Variants in ECI1 observed in about 807,000 individuals in gnomAD.
ECI1 encodes enoyl-CoA delta isomerase 1, also known as enoyl-CoA delta isomerase 1, mitochondrial.
A neutral mutation model predicts 34.2 loss-of-function variants in ECI1; 34 were observed. The ratio of observed to expected loss-of-function variants is 1.00; its 90% confidence interval spans 0.76 to 1.33. ECI1 has a LOEUF of 1.33. Among genes scored for constraint, ECI1 ranks in the 40% most tolerant of loss-of-function variants. The probability of loss-of-function intolerance (pLI) is 0.00; values close to 1 mark genes in which losing one functional copy is unlikely to be tolerated. For missense variants in ECI1, 456 were observed against 422.2 expected (o/e 1.08, Z -0.70); for synonymous variants, 211 against 193.0 (o/e 1.09, Z -0.77).
chr16:2,245,003 C>T (rs1206372498), intron 3 of ECI1, among the ~76,000 whole-genome samples: 1 of 152,152 alleles, frequency 6.6e-6, no homozygotes, highest in African/African-American at 2.4e-5. Flanking sequence ...GGAGAATGAT[C>T]TGGAATGTGT....
At chr16:2,246,018 G>A (rs1402424380) in intron 3 of ECI1, among the ~76,000 whole-genome samples, 5 of 152,160 alleles carry the variant, frequency 3.3e-5, no homozygotes, top group African/African-American at 9.7e-5. Context: ...GAGGTGGGCA[G>A]ATCACTTGAG....
In ECI1 at chr16:2,240,285, C is replaced by G; in HGVS notation, c.743-140G>C. The G allele has an allele frequency of 1.1e-5, 10 of 877,412 alleles. 1 individual carries two copies. The South Asian group carries it at 1.5e-4, about 13-fold the overall frequency. 54.4% of individuals were successfully genotyped at this position (877,412 alleles called of 1,614,324 possible). A position where few individuals can be genotyped will look rare whatever the true frequency, so the allele number is the denominator to read the frequency against. ...GGAGTGCAATGGTGGGATCTTGGCT[C>G]ACTGCAACCTCCGCCTCCCGAGTTC... is the stretch of plus-strand genomic sequence containing the variant. On this transcript the variant is annotated intron_variant, in intron 6 of 6. Transcript: ENST00000301729.
intron 4 of ECI1, 144 bp from the exon 5 acceptor site, chr16:2,243,583 C>G (rs1037640708): frequency 3.5e-5 from 35 of 1,014,488 alleles, no homozygotes; most frequent in Non-Finnish European, 4.8e-5. Context: ...CTGGGCTGGG[C>G]TGGGTGTGCA....
At chr16:2,251,458 A>G (rs2093553659) in intron 1 of ECI1, 29 bp from the exon 2 acceptor site, 1 of 1,515,400 alleles carries the variant, frequency 6.6e-7, no homozygotes, top group Non-Finnish European at 8.8e-7. Context: ...GGAGCCCGTT[A>G]GTTCCCGGTC....
rs112246533 is a variant in ECI1 at position 2,245,231 on chromosome 16, A to C, written c.295-679T>G. Among the ~76,000 whole-genome samples, 9 of 152,282 alleles carry C rather than the reference A, an allele frequency of 5.9e-5. 1 individual carries two copies. The highest frequency in any genetic ancestry group is 1.9e-4 in the African/African-American group (8 of 41,562). ...ATGACAAGGGTACCTTCCCCTCTGC[A>C]CAACACGGCACGTTTTCCTCCCGAG... On this transcript the variant is annotated intron_variant, in intron 3 of 6. Transcript: ENST00000301729.
In ECI1 at chr16:2,246,865, C is replaced by T. The variant is rs1350740950; in HGVS notation, c.288G>A (p.Leu96=). 1.2e-6 allele frequency: 2 copies of T among 1,612,732 alleles called. No homozygotes were observed. The highest frequency in any genetic ancestry group is 1.7e-6 in the Non-Finnish European group (2 of 1,180,002). The stretch of plus-strand genomic sequence containing the variant: ...GAGCTGAACTAGCACCTACCGAGGT[C>T]AGAATGACACCGCGGAAGCTCTTGT... ...ENDKSFRGVI[L]TSDRPGVFSA... The change falls in exon 3 of 7, where the codon CTG becomes CTA. Residue 96 remains leucine (L), a synonymous_variant. Transcript: ENST00000301729.
Position 2,246,850 on chromosome 16 carries a change from A to G in ECI1, c.294+9T>C, listed in dbSNP as rs3803695. 0.15 allele frequency: 241,275 copies of G among 1,611,942 alleles called. 19,156 individuals are homozygous for G. The highest frequency in any genetic ancestry group is 0.2 in the African/African-American group (14,870 of 74,956). On this transcript the variant is annotated intron_variant, in intron 3 of 6. Coordinates refer to ENST00000301729, the MANE Select transcript of ECI1 (RefSeq NM_001919.4). ...TCGGGCTGGGGTAGGGAGCTGAACT[A>G]GCACCTACCGAGGTCAGAATGACAC...
Position 2,243,441 on chromosome 16 carries a change from T to C in ECI1, c.442-2A>G. 6.8e-6 allele frequency: 11 copies of C among 1,612,482 alleles called. No individual in the cohort carries two copies. Among genetic ancestry groups the C allele is most frequent in the Non-Finnish European group, 9.3e-6 (11 of 1,179,954 alleles). On this transcript the variant is annotated splice_acceptor_variant, in intron 4 of 6. Coordinates refer to ENST00000301729, the MANE Select transcript of ECI1 (RefSeq NM_001919.4). LOFTEE classifies it high-confidence loss of function. ...GCAGCCTCCAGCGGGGCAGGCTCCC[T>C]GCAGGGAGAGGCCGGACAGGGCTCT...
rs910187118 is a variant in ECI1, at chr16:2,245,702, C to CA, written c.295-1151dup. 4.6e-5 allele frequency among the ~76,000 whole-genome samples: 7 copies of CA among 151,852 alleles called. No homozygotes were observed. In the East Asian group the frequency reaches 9.7e-4, roughly 21 times the overall value. On this transcript the variant is annotated intron_variant, in intron 3 of 6. Transcript: ENST00000301729. ...GCAACATAGCAAGACCCCGCCTGTA[C>CA]AAAAAAGTAAAAATTAAGCAAAAAA...
rs377274938 is a variant in ECI1 at position 2,244,483 on chromosome 16, C to T, written c.364G>A (p.Ala122Thr). Residue 122 changes from alanine (A) to threonine (T), a missense_variant, in exon 4 of 7, where the codon GCT becomes ACT. Ala to Thr is a moderately conservative substitution (Grantham distance 58, BLOSUM62 0). Coordinates refer to ENST00000301729, the MANE Select transcript of ECI1 (RefSeq NM_001919.4). ...EMCGRSPAHY[A>T]GYWKAVQELW... ...TCCTGAACGGCCTTCCAGTACCCAG[C>T]GTAGTGGGCGGGGCTCCTCCCACAC... The T allele has an allele frequency of 2.8e-4, 455 of 1,609,880 alleles. 3 individuals are homozygous for T. In the South Asian group the frequency reaches 4.2e-3, roughly 15 times the overall value.
rs371379996 is a variant in ECI1, at chr16:2,242,775, G to T, written c.742+271C>A. On this transcript the variant is annotated intron_variant, in intron 6 of 6. Transcript: ENST00000301729. ...AGGCCTGGAGCCAGCAGAAGTGGGC[G>T]GGGCAGGAAGGAGCCTCCCTGGAAC... 2.5e-5 allele frequency: 13 copies of T among 525,278 alleles called. 1 individual carries two copies. In the East Asian group the frequency reaches 4.0e-4, roughly 16 times the overall value. 32.5% of individuals were successfully genotyped at this position (525,278 alleles called of 1,614,324 possible).
Position 2,244,457 on chromosome 16 carries a change from C to T in ECI1, c.390G>A (p.Glu130=), listed in dbSNP as rs142982644. 4.3e-6 allele frequency: 7 copies of T among 1,612,294 alleles called. No homozygotes were observed. Among genetic ancestry groups the T allele is most frequent in the African/African-American group, 4.0e-5 (3 of 75,054 alleles). Residue 130 remains glutamate (E), a synonymous_variant, in exon 4 of 7, where the codon GAG becomes GAA. Transcript: ENST00000301729. ...HYAGYWKAVQ[E]LWLRLYQSNL... ...TGGACTGGTACAACCGCAGCCACAG[C>T]TCCTGAACGGCCTTCCAGTACCCAG... is the stretch of plus-strand genomic sequence containing the variant.
chr16:2,240,215 TTA>T (rs2093524780), intron 6 of ECI1, 70 bp from the exon 7 acceptor site: 1 of 1,524,094 alleles, frequency 6.6e-7, no homozygotes, highest in Admixed American at 1.9e-5. Context: ...AACTTATTTT[TTA>T]TTTTTATTTT....
chr16:2,248,245 C>G (rs544253574), intron 2 of ECI1, among the ~76,000 whole-genome samples: 1 of 150,138 alleles, frequency 6.7e-6, no homozygotes, highest in Non-Finnish European at 1.5e-5. Flanking sequence ...TACAGGTATG[C>G]GCCACTATGC....
chr16:2,247,055 C>A, intron 2 of ECI1, 69 bp from the exon 3 acceptor site: 1 of 1,559,780 alleles, frequency 6.4e-7, no homozygotes, highest in Admixed American at 1.7e-5. Context: ...AGCCTGCACC[C>A]TCAACTAAGC....
chr16:2,240,573 G>C, intron 6 of ECI1: 1 of 240,500 alleles, frequency 4.2e-6, no homozygotes, highest in Non-Finnish European at 8.3e-6. Flanking sequence ...GCCCATACTG[G>C]AGTGCACTAG....
intron 2 of ECI1, 21 bp from the exon 3 acceptor site, chr16:2,247,007 A>T: frequency 2.5e-6 from 4 of 1,611,288 alleles, no homozygotes; most frequent in Non-Finnish European, 3.4e-6. Context: ...GAATGAGAAG[A>T]GAAAGCTCAC....
In ECI1 at chr16:2,239,823, G is replaced by C. The variant is rs1256946349; in HGVS notation, c.*156C>G. The C allele has an allele frequency of 7.7e-6, 6 of 780,678 alleles. No individual in the cohort carries two copies. The highest frequency in any genetic ancestry group is 6.1e-5 in the Admixed American group (3 of 48,812). 48.4% of individuals were successfully genotyped at this position (780,678 alleles called of 1,614,324 possible). A position where few individuals can be genotyped will look rare whatever the true frequency, so the allele number is the denominator to read the frequency against. ...ACCCATGTGTGTTTGTGTGTGGCTG[G>C]GCCTTGGGCCACTGGGCTATGAGGA... On this transcript the variant is annotated 3_prime_UTR_variant, in exon 7 of 7. Transcript: ENST00000301729.
At chr16:2,247,128 G>A (rs2093542308) in intron 2 of ECI1, 142 bp from the exon 3 acceptor site, 15 of 1,085,518 alleles carry the variant, frequency 1.4e-5, no homozygotes, top group East Asian at 2.7e-5. Flanking sequence ...ACAGAGTCTC[G>A]CTCTGTCACC....
Sources: gnomAD v4.1 joint callset for allele counts (sites outside exome capture counted in the v4.1 genomes callset) on GRCh38, gnomAD v4.1.1 for gene constraint, MANE v1.5 for transcripts, NCBI Gene and HGNC (gene_info 2026-07-23, HGNC 2026-07-21) for gene names.